EXOC6B: variants seen among roughly 807,000 people sequenced by gnomAD.
The protein encoded by EXOC6B is exocyst complex component 6B.
EXOC6B carries 54 observed loss-of-function variants against 113.5 expected under a neutral mutation model. That is an observed-to-expected ratio of 0.48 (90% CI 0.38 to 0.60). The LOEUF (loss-of-function observed/expected upper bound fraction) is 0.60. Among genes scored for constraint, EXOC6B ranks in the 20% least tolerant of loss-of-function variants. The probability of loss-of-function intolerance (pLI) is 0.00; values close to 1 mark genes in which losing one functional copy is unlikely to be tolerated. For missense variants in EXOC6B, 797 were observed against 977.5 expected (o/e 0.82, Z 2.46); for synonymous variants, 357 against 339.0 (o/e 1.05, Z -0.58).
chr2:72,707,698 C>T (rs1044120222), intron 6 of EXOC6B, among the ~76,000 whole-genome samples: 2 of 152,098 alleles, frequency 1.3e-5, no homozygotes, highest in Admixed American at 1.3e-4. Flanking sequence ...AGGTGTGAGC[C>T]ACCGCACCCA....
intron 20 of EXOC6B, among the ~76,000 whole-genome samples, chr2:72,315,262 T>C (rs1687441490): frequency 6.6e-6 from 1 of 152,090 alleles, no homozygotes; most frequent in Non-Finnish European, 1.5e-5. Flanking sequence ...ACCCAGCATG[T>C]CTAGGAAACA....
intron 18 of EXOC6B, among the ~76,000 whole-genome samples, chr2:72,393,192 C>T (rs926732979): frequency 1.3e-5 from 2 of 151,882 alleles, no homozygotes; most frequent in Non-Finnish European, 2.9e-5. Context: ...CCTCCCAGTT[C>T]AAGCAATTCT....
chr2:72,740,525 T>C (rs1012900905), intron 2 of EXOC6B, among the ~76,000 whole-genome samples: 1 of 152,194 alleles, frequency 6.6e-6, no homozygotes, highest in African/African-American at 2.4e-5. Context: ...CAAATGTGCC[T>C]AGCCTCCTTC....
chr2:72,180,941 A>G (rs1259245478), intron 21 of EXOC6B, among the ~76,000 whole-genome samples: 2 of 152,142 alleles, frequency 1.3e-5, no homozygotes, highest in Non-Finnish European at 2.9e-5. Context: ...TGGGCGCGGT[A>G]GCTCACGCCT....
At chr2:72,232,288 A>G (rs1681674148) in intron 20 of EXOC6B, among the ~76,000 whole-genome samples, 1 of 152,138 alleles carries the variant, frequency 6.6e-6, no homozygotes, top group South Asian at 2.1e-4. Flanking sequence ...GCCTATTAGC[A>G]AAGATTTTTT....
intron 19 of EXOC6B, 38 bp downstream of exon 19, chr2:72,379,691 G>A (rs1056387452): frequency 6.4e-7 from 1 of 1,551,726 alleles, no homozygotes; most frequent in African/African-American, 1.4e-5. Flanking sequence ...TGAGTTTGCT[G>A]GTAAGATAAA....
chr2:72,575,579 G>T lies in EXOC6B; in HGVS notation c.759C>A (p.Ile253=). 1.2e-6 allele frequency: 2 copies of T among 1,611,360 alleles called. No individual in the cohort carries two copies. The highest frequency in any genetic ancestry group is 1.7e-6 in the Non-Finnish European group (2 of 1,178,946). The change falls in exon 7 of 22, where the codon ATC becomes ATA. Residue 253 remains isoleucine, a synonymous_variant. Coordinates refer to ENST00000272427, the MANE Select transcript of EXOC6B (RefSeq NM_015189.3). ...TAGTACTTTCTATCTCTGTATCAAA[G>T]ATTATATATGCATCTTTCTTAGATT... ...KRKSKKDAYI[I]FDTEIESTSP... is the part of the protein sequence containing the mutation.
At chr2:72,581,446 T>C (rs1705217418) in intron 6 of EXOC6B, among the ~76,000 whole-genome samples, 1 of 152,240 alleles carries the variant, frequency 6.6e-6, no homozygotes, top group Non-Finnish European at 1.5e-5. Context: ...CATGTGTGTT[T>C]CATGTGATAT....
intron 18 of EXOC6B, among the ~76,000 whole-genome samples, chr2:72,406,597 T>A (rs184429923): frequency 2.8e-4 from 43 of 152,216 alleles, no homozygotes; most frequent in African/African-American, 9.1e-4. Context: ...CTGCTCCTGA[T>A]TGACTACTGG....
chr2:72,514,550 T>C (rs1701107928), intron 10 of EXOC6B, 84 bp downstream of exon 10: 1 of 226,494 alleles, frequency 4.4e-6, no homozygotes, highest in Admixed American at 6.0e-5. Flanking sequence ...CATTCACAAC[T>C]CTATGTATGG....
At chr2:72,601,108 ATATATGTGTGTGTG>A (rs1423347671) in intron 6 of EXOC6B, among the ~76,000 whole-genome samples, 47 of 148,400 alleles carry the variant, frequency 3.2e-4, no homozygotes, top group Admixed American at 2.6e-3. Flanking sequence ...CTACATATAT[ATATATGTGTGTGTG>A]TATGTGTGTG....
Position 72,777,457 on chromosome 2 carries a change from T to C in EXOC6B, c.114-35988A>G, listed in dbSNP as rs1413257448. 2.0e-5 allele frequency among the ~76,000 whole-genome samples: 3 copies of C among 152,014 alleles called. No individual in the cohort carries two copies. The East Asian group carries it at 5.8e-4, about 29-fold the overall frequency. Reference sequence around the variant, plus strand: ...AAAGGAAAAAAACATTGAGCAAAAATTCATTACCTGGCAAAACTATCCTCT... The same window carrying C: ...AAAGGAAAAAAACATTGAGCAAAAACTCATTACCTGGCAAAACTATCCTCT... On this transcript the variant is annotated intron_variant, in intron 1 of 21. Coordinates refer to ENST00000272427, the MANE Select transcript of EXOC6B (RefSeq NM_015189.3).
chr2:72,297,603 G>A (rs768414687), intron 20 of EXOC6B, among the ~76,000 whole-genome samples: 2 of 152,128 alleles, frequency 1.3e-5, no homozygotes, highest in Non-Finnish European at 2.9e-5. Context: ...ATGTTAGGGT[G>A]TCAATTTTAG....
intron 18 of EXOC6B, among the ~76,000 whole-genome samples, chr2:72,426,821 T>C (rs952092609): frequency 6.6e-6 from 1 of 152,258 alleles, no homozygotes; most frequent in Non-Finnish European, 1.5e-5. Flanking sequence ...ATGATGGCAG[T>C]GGCAGGCCAT....
chr2:72,539,765 T>C (rs964643733), intron 8 of EXOC6B, among the ~76,000 whole-genome samples: 3 of 151,844 alleles, frequency 2.0e-5, no homozygotes, highest in Non-Finnish European at 4.4e-5. Flanking sequence ...CGCGCGCGCG[T>C]GTGTGTAGTC....
chr2:72,394,109 T>C (rs1692569288), intron 18 of EXOC6B, among the ~76,000 whole-genome samples: 2 of 152,186 alleles, frequency 1.3e-5, no homozygotes, highest in African/African-American at 4.8e-5. Flanking sequence ...CTGGATTATA[T>C]GTTAAGTACT....
intron 16 of EXOC6B, 69 bp downstream of exon 16, chr2:72,492,249 C>A: frequency 1.3e-6 from 1 of 786,976 alleles, no homozygotes; most frequent in South Asian, 2.3e-5. Context: ...CGAATTCAGA[C>A]ATAAGGCCCA....
chr2:72,532,112 G>A (rs1239235842), intron 8 of EXOC6B, among the ~76,000 whole-genome samples: 2 of 152,066 alleles, frequency 1.3e-5, no homozygotes, highest in African/African-American at 4.8e-5. Flanking sequence ...GATCAAAAGG[G>A]AAAATACTGA....
chr2:72,436,330 AT>A (rs1231424488), intron 18 of EXOC6B, among the ~76,000 whole-genome samples: 1 of 150,604 alleles, frequency 6.6e-6, no homozygotes, highest in Non-Finnish European at 1.5e-5. Flanking sequence ...TGCCCTTAAC[AT>A]TTTTTCCTTC....
Sources: allele counts gnomAD v4.1 joint callset (sites outside exome capture counted in the v4.1 genomes callset), GRCh38; gene constraint gnomAD v4.1.1; transcripts MANE v1.5; gene names NCBI Gene and HGNC (gene_info 2026-07-23, HGNC 2026-07-21).